Variants in PLEKHA6 observed in about 807,000 individuals in gnomAD.
PLEKHA6 encodes the protein pleckstrin homology domain containing A6.
PLEKHA6 carries 60 observed loss-of-function variants against 116.7 expected under a neutral mutation model. The ratio of observed to expected loss-of-function variants is 0.51; its 90% CI spans 0.42 to 0.64. PLEKHA6 has a LOEUF of 0.64. Ranked by LOEUF, PLEKHA6 falls within the 30% of genes least tolerant of loss-of-function variation. PLEKHA6 has a pLI of 0.00. For synonymous variants in PLEKHA6, 489 were observed against 556.1 expected, an observed-to-expected ratio of 0.88 and a Z score of 1.70; for missense variants, 1,338 against 1,422.7, an observed-to-expected ratio of 0.94 and a Z score of 0.96.
chr1:204,245,532 G>T, intron 14 of PLEKHA6, 83 bp downstream of exon 14: 2 of 796,984 alleles, frequency 2.5e-6, no homozygotes, highest in Non-Finnish European at 4.3e-6. Context: ...GTGTGAGCTG[G>T]CAGGAGTGGG....
At chr1:204,352,000 G>A (rs930925742) in intron 1 of PLEKHA6, among the ~76,000 whole-genome samples, 27 of 152,232 alleles carry the variant, frequency 1.8e-4, no homozygotes, top group African/African-American at 6.3e-4. Flanking sequence ...TTTGAACCTG[G>A]CAGGCGGAGG....
In PLEKHA6 at chr1:204,359,480, G is replaced by A. The variant is rs74138390; in HGVS notation, c.-95+214C>T. On this transcript the variant is annotated intron_variant, in intron 1 of 22. Transcript: ENST00000272203. The stretch of plus-strand genomic sequence containing the variant: ...AGCATCAGCCCTGACAGGGGACTCT[G>A]GAGGTGGGGGTGGGGGCACAGGGAG... The A allele has an allele frequency of 5.3e-3, 1,683 of 317,894 alleles. 33 individuals carry two copies. The highest frequency in any genetic ancestry group is 0.036 in the African/African-American group (1,599 of 44,854). 19.7% of individuals were successfully genotyped at this position (317,894 alleles called of 1,614,324 possible).
At chr1:204,349,654 C>A (rs1673209692) in intron 1 of PLEKHA6, among the ~76,000 whole-genome samples, 1 of 152,136 alleles carries the variant, frequency 6.6e-6, no homozygotes, top group African/African-American at 2.4e-5. Context: ...AGAGACCCAG[C>A]TCGAGCCTTG....
rs1396707455 is a variant in PLEKHA6, at chr1:204,282,016, A to G, written c.-94-7207T>C. Among the ~76,000 whole-genome samples the G allele has an allele frequency of 2.6e-5, 4 of 152,124 alleles. No homozygotes were observed. In the East Asian group the frequency reaches 5.8e-4, roughly 22 times the overall value. On this transcript the variant is annotated intron_variant, in intron 1 of 22. Coordinates refer to ENST00000272203, the MANE Select transcript of PLEKHA6 (RefSeq NM_014935.5). ...AGATGGCTCCGTGGACAAGGGAGAGAAATCACAAATCAGGGGGCCAGGTCC... is the reference window on the plus strand; with the variant it reads ...AGATGGCTCCGTGGACAAGGGAGAGGAATCACAAATCAGGGGGCCAGGTCC...
At chr1:204,365,952 C>T (rs1374133308) in intron 3 of PLEKHA6, among the ~76,000 whole-genome samples, 1 of 152,108 alleles carries the variant, frequency 6.6e-6, no homozygotes, top group Admixed American at 6.5e-5. Context: ...ATCGAGAAGT[C>T]GGAACCAGGT....
intron 17 of PLEKHA6, among the ~76,000 whole-genome samples, chr1:204,237,126 G>A (rs1662171275): frequency 6.6e-6 from 1 of 152,176 alleles, no homozygotes; most frequent in Non-Finnish European, 1.5e-5. Context: ...GTTAAAGTAG[G>A]AGCTTATGGA....
Position 204,359,747 on chromosome 1 carries a change from A to G in PLEKHA6, c.-148T>C. The G allele has an allele frequency of 1.0e-6, 1 of 960,776 alleles. No individual in the cohort carries two copies. Among genetic ancestry groups the G allele is most frequent in the Non-Finnish European group, 1.2e-6 (1 of 807,370 alleles). 59.5% of individuals were successfully genotyped at this position (960,776 alleles called of 1,614,324 possible). ...GAAAGCTCTAACTCTGCGAGCCCCA[A>G]GGCACCCCTCCCCCCAGCTCAGGCC... On this transcript the variant is annotated 5_prime_UTR_variant, in exon 1 of 23. Transcript: ENST00000272203.
intron 21 of PLEKHA6, among the ~76,000 whole-genome samples, chr1:204,227,580 C>T (rs1198615058): frequency 6.6e-6 from 1 of 152,124 alleles, no homozygotes; most frequent in Non-Finnish European, 1.5e-5. Context: ...TGAGTTGGAT[C>T]AGTAGCCAAG....
intron 1 of PLEKHA6, among the ~76,000 whole-genome samples, chr1:204,302,206 G>C (rs554370675): frequency 6.6e-6 from 1 of 152,302 alleles, no homozygotes; most frequent in South Asian, 2.1e-4. Context: ...AGAATCTGAG[G>C]CCCAGAGAGA....
In PLEKHA6 at chr1:204,219,026, T is replaced by C. The variant is rs891843570; in HGVS notation, c.*3762A>G. ...TCCCTCCTCCTGGGGAGGGGGCTCA[T>C]TGGCTAGAAAGATGCTAAGGGGATG... On this transcript the variant is annotated 3_prime_UTR_variant, in exon 23 of 23. Transcript: ENST00000272203. 3 of 152,550 alleles carry C rather than the reference T, an allele frequency of 2.0e-5. No individual in the cohort carries two copies. Among genetic ancestry groups the C allele is most frequent in the Admixed American group, 6.5e-5 (1 of 15,276 alleles). The allele number at this position is 152,550 out of a possible 1,614,324, so 9.4% of individuals were successfully genotyped here.
rs978341057 is a variant in PLEKHA6, at chr1:204,331,250, G to A, written c.-95+28444C>T. ...TGAGCATCTCAGCCAAGCAGCACCT[G>A]CAGCAACTGATCAAATGCCTTGTTG... On this transcript the variant is annotated intron_variant, in intron 1 of 22. Coordinates refer to ENST00000272203, the MANE Select transcript of PLEKHA6 (RefSeq NM_014935.5). Among the ~76,000 whole-genome samples, 5 of 150,964 alleles carry A rather than the reference G, an allele frequency of 3.3e-5. No homozygotes were observed. In the East Asian group the frequency reaches 9.7e-4, roughly 29 times the overall value.
chr1:204,238,486 C>T lies in PLEKHA6; in HGVS notation c.2409+2889G>A, dbSNP rs1340531838. 6.6e-6 allele frequency among the ~76,000 whole-genome samples: 1 copy of T among 152,194 alleles called. No homozygotes were observed. Among genetic ancestry groups the T allele is most frequent in the Non-Finnish European group, 1.5e-5 (1 of 68,046 alleles). The stretch of plus-strand genomic sequence containing the variant: ...CAAGTCACCATGCGACCTGAACTGC[C>T]TATCATGAACAGGGTGCTTTCTGAC... On this transcript the variant is annotated intron_variant, in intron 17 of 22. Transcript: ENST00000272203. The surrounding 1 kb of genome is among the most constrained non-coding windows in gnomAD (Gnocchi z 4.2).
intron 1 of PLEKHA6, among the ~76,000 whole-genome samples, chr1:204,304,618 A>G (rs6674237): frequency 0.2 from 30,066 of 152,128 alleles, 3,564 homozygotes; most frequent in East Asian, 0.59. Context: ...CTTCTAATAC[A>G]TTTTGCTTTC....
intron 21 of PLEKHA6, among the ~76,000 whole-genome samples, chr1:204,227,769 G>A (rs948654946): frequency 6.6e-6 from 1 of 152,064 alleles, no homozygotes; most frequent in African/African-American, 2.4e-5. Flanking sequence ...TCTTTTCTCT[G>A]TGCCTTTCCC....
At chr1:204,322,809 T>C (rs1672111602) in intron 1 of PLEKHA6, among the ~76,000 whole-genome samples, 1 of 152,156 alleles carries the variant, frequency 6.6e-6, no homozygotes, top group African/African-American at 2.4e-5. Context: ...CCTACTCCTT[T>C]TATTCTGGGG....
intron 1 of PLEKHA6, among the ~76,000 whole-genome samples, chr1:204,341,148 G>A (rs948058384): frequency 6.6e-6 from 1 of 152,228 alleles, no homozygotes; most frequent in African/African-American, 2.4e-5. Context: ...CAGAAGATGT[G>A]TACCAGGCCC....
At chr1:204,324,755 C>T (rs1558182104) in intron 1 of PLEKHA6, among the ~76,000 whole-genome samples, 3 of 152,148 alleles carry the variant, frequency 2.0e-5, no homozygotes, top group Non-Finnish European at 4.4e-5. Context: ...CTTACTAAAC[C>T]TTCCATAGAT....
At chr1:204,355,888 T>C (rs1673398992) in intron 1 of PLEKHA6, among the ~76,000 whole-genome samples, 1 of 152,052 alleles carries the variant, frequency 6.6e-6, no homozygotes, top group Non-Finnish European at 1.5e-5. Flanking sequence ...TTTTTAAAAA[T>C]TGTCTCACTC....
chr1:204,324,594 G>A (rs1359880018), intron 1 of PLEKHA6, among the ~76,000 whole-genome samples: 1 of 152,162 alleles, frequency 6.6e-6, no homozygotes, highest in Admixed American at 6.5e-5. Context: ...CTCTGACAAA[G>A]TCTTATCTGA....
Sources: allele counts gnomAD v4.1 joint callset (sites outside exome capture counted in the v4.1 genomes callset), GRCh38; gene constraint gnomAD v4.1.1; non-coding constraint Gnocchi (gnomAD v3.1); transcripts MANE v1.5; gene names NCBI Gene and HGNC (gene_info 2026-07-23, HGNC 2026-07-21).